The following MANEA variants were observed in gnomAD, a reference collection of about 807,000 sequenced individuals.
MANEA encodes the protein mannosidase endo-alpha.
In MANEA, 25 loss-of-function variants were observed where a neutral mutation model predicts 36.8. That is an observed-to-expected ratio of 0.68 (90% CI 0.50 to 0.95). The LOEUF (loss-of-function observed/expected upper bound fraction) is 0.95. Ranked by LOEUF, MANEA falls within the 40% of genes least tolerant of loss-of-function variation. MANEA has a pLI of 0.00. For synonymous variants in MANEA, 198 were observed against 188.5 expected (o/e 1.05, Z -0.41); for missense variants, 565 against 558.8 (o/e 1.01, Z -0.11).
At chr6:95,603,886 T>A (rs1033566999) in intron 3 of MANEA, among the ~76,000 whole-genome samples, 1 of 152,246 alleles carries the variant, frequency 6.6e-6, no homozygotes, top group Admixed American at 6.5e-5. Context: ...TAGTTAGAAG[T>A]AGCATACAGA....
intron 2 of MANEA, among the ~76,000 whole-genome samples, chr6:95,593,016 AT>A (rs1769411594): frequency 6.6e-6 from 1 of 152,216 alleles, no homozygotes; most frequent in African/African-American, 2.4e-5. Flanking sequence ...GAGTTTTTGC[AT>A]TTAGTTTGCT....
chr6:95,586,368 CACTT>C lies in MANEA; in HGVS notation c.-38-30_-38-27del, dbSNP rs561211286. The C allele has an allele frequency of 7.1e-4, 867 of 1,228,578 alleles. 10 individuals carry two copies. In the South Asian group the frequency reaches 0.011, roughly 16 times the overall value. 76.1% of individuals were successfully genotyped at this position (1,228,578 alleles called of 1,614,324 possible). ...ATATATTGGAAAATACTGTTGATAA[CACTT>C]ACTAATTATCTTTTTTCAATAAATT... On this transcript the variant is annotated intron_variant, in intron 1 of 4. Coordinates refer to ENST00000358812, the MANE Select transcript of MANEA (RefSeq NM_024641.4).
At position 95,601,716 on chromosome 6, in the gene MANEA, A is replaced by ATTTTTTTTTTTT. The variant is rs67335804; in HGVS notation, c.655-3094_655-3083dup. On this transcript the variant is annotated intron_variant, in intron 3 of 4. Coordinates refer to ENST00000358812, the MANE Select transcript of MANEA (RefSeq NM_024641.4). Reference sequence around the variant, plus strand: ...AAAAGAAAATTAGGCAGATTCAGTGATTTTTTTTTTTTTTTTTTTTTTTTT... The same window carrying ATTTTTTTTTTTT: ...AAAAGAAAATTAGGCAGATTCAGTGATTTTTTTTTTTTTTTTTTTTTTTTTTTTTTTTTTTTT... Among the ~76,000 whole-genome samples, 271 of 64,990 alleles carry ATTTTTTTTTTTT rather than the reference A, an allele frequency of 4.2e-3. 11 individuals carry two copies. Among genetic ancestry groups the ATTTTTTTTTTTT allele is most frequent in the Middle Eastern group, 0.013 (1 of 80 alleles). The allele number at this position is 64,990 out of a possible 152,430, so 42.6% of individuals were successfully genotyped here.
At chr6:95,589,381 T>C (rs928072300) in intron 2 of MANEA, among the ~76,000 whole-genome samples, 1 of 152,168 alleles carries the variant, frequency 6.6e-6, no homozygotes, top group African/African-American at 2.4e-5. Flanking sequence ...GGCCTTCTTT[T>C]TATCTTAAGT....
chr6:95,605,455 G>A (rs1468106266), intron 4 of MANEA, among the ~76,000 whole-genome samples: 1 of 152,110 alleles, frequency 6.6e-6, no homozygotes, highest in Non-Finnish European at 1.5e-5. Flanking sequence ...TAGGTATTAT[G>A]TAGAGTATTA....
chr6:95,583,714 G>A (rs1376512611), intron 1 of MANEA, among the ~76,000 whole-genome samples: 1 of 151,606 alleles, frequency 6.6e-6, no homozygotes, highest in Non-Finnish European at 1.5e-5. Context: ...GAGGGAGCAC[G>A]AGAAGTGGAA....
In MANEA at chr6:95,586,768, G is replaced by A. The variant is rs1441557196; in HGVS notation, c.329G>A (p.Trp110Ter). The change falls in exon 2 of 5, where the codon TGG becomes TAG. Residue 110 changes from tryptophan (W) to a stop codon, truncating the protein, a stop_gained. Coordinates refer to ENST00000358812, the MANE Select transcript of MANEA (RefSeq NM_024641.4). LOFTEE classifies it high-confidence loss of function. ...NNYLHVFYYS[W>*]YGNPQFDGKY... ...TATCTACATGTATTTTATTACAGTT[G>A]GTATGGAAATCCACAATTTGATGGT... The A allele has an allele frequency of 6.2e-7, 1 of 1,613,398 alleles. No individual in the cohort carries two copies. The highest frequency in any genetic ancestry group is 1.3e-5 in the African/African-American group (1 of 74,890).
In MANEA at chr6:95,608,687, T is replaced by C. The variant is rs977411216; in HGVS notation, c.*2282T>C. ...TAAAATAATTACAGTCATCCCTCAGTGTCTGTGGGGGATTGGTTCCAGTTA... is the reference window on the plus strand; with the variant it reads ...TAAAATAATTACAGTCATCCCTCAGCGTCTGTGGGGGATTGGTTCCAGTTA... On this transcript the variant is annotated 3_prime_UTR_variant, in exon 5 of 5. Transcript: ENST00000358812. The C allele has an allele frequency of 1.3e-5, 2 of 151,768 alleles. No homozygotes were observed. Among genetic ancestry groups the C allele is most frequent in the African/African-American group, 4.8e-5 (2 of 41,414 alleles). 9.4% of individuals were successfully genotyped at this position (151,768 alleles called of 1,614,324 possible).
chr6:95,579,156 G>A (rs1195597726), intron 1 of MANEA, among the ~76,000 whole-genome samples: 1 of 152,162 alleles, frequency 6.6e-6, no homozygotes, highest in African/African-American at 2.4e-5. Flanking sequence ...GGATCATGAG[G>A]TCAAGAGATC....
At chr6:95,596,513 TAA>T (rs1357726562) in intron 2 of MANEA, among the ~76,000 whole-genome samples, 4 of 152,148 alleles carry the variant, frequency 2.6e-5, no homozygotes, top group Non-Finnish European at 5.9e-5. Flanking sequence ...CTCTAAAATG[TAA>T]AGTCTGTTCA....
At chr6:95,604,056 A>AGGTGTGTG (rs1318756717) in intron 3 of MANEA, among the ~76,000 whole-genome samples, 42 of 58,592 alleles carry the variant, frequency 7.2e-4, no homozygotes, top group African/African-American at 2.2e-3. Flanking sequence ...GTATATATGT[A>AGGTGTGTG]TGTAGGTGTG....
At chr6:95,600,795 AATGG>A (rs1168618314) in intron 3 of MANEA, among the ~76,000 whole-genome samples, 1 of 152,186 alleles carries the variant, frequency 6.6e-6, no homozygotes, top group Admixed American at 6.5e-5. Context: ...GGAAATACTA[AATGG>A]ATGGAGAATT....
chr6:95,589,387 T>A (rs1205303638), intron 2 of MANEA, among the ~76,000 whole-genome samples: 1 of 152,176 alleles, frequency 6.6e-6, no homozygotes, highest in Admixed American at 6.5e-5. Context: ...CTTTTTATCT[T>A]AAGTTGAATT....
In MANEA at chr6:95,578,468, T is replaced by C. The variant is rs373244980; in HGVS notation, c.-39+830T>C. Among the ~76,000 whole-genome samples the C allele has an allele frequency of 3.7e-4, 57 of 152,278 alleles. No homozygotes were observed. In the East Asian group the frequency reaches 5.4e-3, roughly 14 times the overall value. On this transcript the variant is annotated intron_variant, in intron 1 of 4. Coordinates refer to ENST00000358812, the MANE Select transcript of MANEA (RefSeq NM_024641.4). ...GGAATAGGCTGTTCACGTTAAAGTA[T>C]TGAGGCAGTAGTTTGAAACAAAAAT...
chr6:95,605,668 T>C lies in MANEA; in HGVS notation c.732-80T>C, dbSNP rs1769691987. Reference sequence around the variant, plus strand: ...GTGTGCTCAAACTGCACTGACTCCTTCATTTTCAGTAAACAGTTTTTGTCT... The same window carrying C: ...GTGTGCTCAAACTGCACTGACTCCTCCATTTTCAGTAAACAGTTTTTGTCT... On this transcript the variant is annotated intron_variant, in intron 4 of 4. Transcript: ENST00000358812. 6 of 1,041,096 alleles carry C rather than the reference T, an allele frequency of 5.8e-6. No homozygotes were observed. In the East Asian group the frequency reaches 1.4e-4, roughly 25 times the overall value. 64.5% of individuals were successfully genotyped at this position (1,041,096 alleles called of 1,614,324 possible).
At position 95,608,759 on chromosome 6, in the gene MANEA, A is replaced by C. The variant is rs1309649810; in HGVS notation, c.*2354A>C. 1 of 151,804 alleles carries C rather than the reference A, an allele frequency of 6.6e-6. No homozygotes were observed. Among genetic ancestry groups the C allele is most frequent in the Non-Finnish European group, 1.5e-5 (1 of 67,796 alleles). 9.4% of individuals were successfully genotyped at this position (151,804 alleles called of 1,614,324 possible). On this transcript the variant is annotated 3_prime_UTR_variant, in exon 5 of 5. Transcript: ENST00000358812. ...GCAGATGCTCAAGTCCCTGATATAA[A>C]CTGGCATAGTAGTTGCATATAATCT...
intron 2 of MANEA, among the ~76,000 whole-genome samples, chr6:95,593,941 TTCTA>T (rs1413227184): frequency 6.6e-6 from 1 of 151,660 alleles, no homozygotes; most frequent in Non-Finnish European, 1.5e-5. Context: ...AGAGGAGGGA[TTCTA>T]TCTGTAATCG....
intron 3 of MANEA, among the ~76,000 whole-genome samples, chr6:95,600,511 A>G (rs973179569): frequency 6.6e-6 from 1 of 152,230 alleles, no homozygotes; most frequent in Non-Finnish European, 1.5e-5. Context: ...TCCTAACTCA[A>G]TAAAATGCAG....
intron 2 of MANEA, among the ~76,000 whole-genome samples, chr6:95,593,860 A>G (rs1769434114): frequency 6.6e-6 from 1 of 152,130 alleles, no homozygotes; most frequent in Admixed American, 6.5e-5. Flanking sequence ...ATCCTGGCCA[A>G]CATGGTGAAA....
Sources: allele counts gnomAD v4.1 joint callset (sites outside exome capture counted in the v4.1 genomes callset), GRCh38; gene constraint gnomAD v4.1.1; transcripts MANE v1.5; gene names NCBI Gene and HGNC (gene_info 2026-07-23, HGNC 2026-07-21).